The following RSPH10B variants were observed in gnomAD, a reference collection of about 807,000 sequenced individuals.
RSPH10B encodes radial spoke head 10 homolog B.
Under a neutral mutation model 52.5 loss-of-function variants are expected in RSPH10B, and 7 were observed. The observed-to-expected ratio is 0.13, with a 90% CI of 0.08 to 0.25. RSPH10B has a LOEUF of 0.25. RSPH10B is among the 10% of genes least tolerant of loss of function. The pLI is 1.00. For missense variants in RSPH10B, 89 were observed against 542.5 expected (o/e 0.16, Z 8.30); for synonymous variants, 28 against 193.2 (o/e 0.14, Z 7.09).
At chr7:5,927,022 C>CCT (rs1779468227) in intron 18 of RSPH10B, among the ~76,000 whole-genome samples, 1 of 95,926 alleles carries the variant, frequency 1.0e-5, no homozygotes, top group East Asian at 3.8e-4. Flanking sequence ...CCCAAAGTTA[C>CCT]GTGTGTGTGT....
intron 11 of RSPH10B, among the ~76,000 whole-genome samples, chr7:5,944,298 T>A (rs1385936695): frequency 6.6e-6 from 1 of 150,690 alleles, no homozygotes; most frequent in Admixed American, 6.7e-5. Flanking sequence ...CTTGGGAGGC[T>A]GAGGCAGGAG....
At chr7:5,942,912 TTATATA>T (rs59583341) in intron 13 of RSPH10B, among the ~76,000 whole-genome samples, 1 of 93,654 alleles carries the variant, frequency 1.1e-5, no homozygotes, top group Admixed American at 1.5e-4. Context: ...ATATATTTAT[TTATATA>T]TATATATATT....
intron 13 of RSPH10B, among the ~76,000 whole-genome samples, chr7:5,940,857 C>T (rs1195279238): frequency 1.7e-5 from 1 of 60,522 alleles, no homozygotes; most frequent in Non-Finnish European, 3.5e-5. Flanking sequence ...ACCCGGGAGG[C>T]GGAGGTTGCA....
At chr7:5,963,916 A>AG (rs1419145182) in intron 3 of RSPH10B, among the ~76,000 whole-genome samples, 1 of 144,760 alleles carries the variant, frequency 6.9e-6, no homozygotes, top group Non-Finnish European at 1.5e-5. Context: ...AAAAAAAAAA[A>AG]AAAGTAAAAA....
intron 18 of RSPH10B, among the ~76,000 whole-genome samples, chr7:5,927,197 C>T: frequency 7.4e-6 from 1 of 135,510 alleles, no homozygotes; most frequent in East Asian, 2.1e-4. Flanking sequence ...TCAAGCAATC[C>T]TCCTGCCTCA....
intron 7 of RSPH10B, among the ~76,000 whole-genome samples, chr7:5,955,236 G>T (rs1314084089): frequency 9.4e-6 from 1 of 106,572 alleles, no homozygotes; most frequent in Admixed American, 9.8e-5. Flanking sequence ...AACAGATAAT[G>T]TAATTTAATC....
chr7:5,927,070 A>ATATATATGTGTGTGTGTG (rs1554284566), intron 18 of RSPH10B, among the ~76,000 whole-genome samples: 2 of 110,692 alleles, frequency 1.8e-5, no homozygotes, highest in African/African-American at 6.5e-5. Context: ...GTGTGTGTAT[A>ATATATATGTGTGTGTGTG]TGTGTGTGTG....
At chr7:5,933,369 C>A (rs2528356) in intron 16 of RSPH10B, among the ~76,000 whole-genome samples, 1 of 82,164 alleles carries the variant, frequency 1.2e-5, no homozygotes, top group Non-Finnish European at 2.8e-5. Flanking sequence ...ATGAAATGAA[C>A]AACAGAATTA....
At chr7:5,959,104 A>AAC (rs1780841747) in intron 4 of RSPH10B, 26 bp from the exon 7 acceptor site, 1 of 1,180,006 alleles carries the variant, frequency 8.5e-7, no homozygotes, top group Non-Finnish European at 1.2e-6. Context: ...TCATCTTTAA[A>AAC]ACTATCAAGC....
rs570941427 is a variant in RSPH10B at position 5,966,431 on chromosome 7, A to G, written c.254+432T>C. Among the ~76,000 whole-genome samples, 276 of 117,198 alleles carry G rather than the reference A, an allele frequency of 2.4e-3. 51 individuals are homozygous for G. The highest frequency in any genetic ancestry group is 8.4e-3 in the African/African-American group (267 of 31,840). 76.9% of individuals were successfully genotyped at this position (117,198 alleles called of 152,430 possible). On this transcript the variant is annotated intron_variant, in intron 1 of 18. Coordinates refer to ENST00000337579, the Ensembl canonical transcript of RSPH10B. ...AGAAGCCCAAACCTCAGCATCACAC[A>G]ACATGCCCATGTAACAAACCTGCAC...
At chr7:5,940,168 G>T (rs1780116036) in intron 13 of RSPH10B, among the ~76,000 whole-genome samples, 1 of 100,216 alleles carries the variant, frequency 1.0e-5, no homozygotes, top group South Asian at 2.8e-4. Context: ...CCGCACTCCA[G>T]CCTGGGTGAC....
At chr7:5,938,503 G>A (rs1199309841) in intron 14 of RSPH10B, among the ~76,000 whole-genome samples, 6 of 66,424 alleles carry the variant, frequency 9.0e-5, no homozygotes, top group South Asian at 8.3e-4. Context: ...GCGTGAACCC[G>A]GGAGGCGGAG....
chr7:5,961,678 T>G (rs867936998), intron 3 of RSPH10B, among the ~76,000 whole-genome samples: 439 of 13,964 alleles, frequency 0.031, 1 homozygote, highest in African/African-American at 0.13. Context: ...TGTTGTTGTT[T>G]TTTTGTTTTT....
Position 5,931,872 on chromosome 7 carries a change from C to T in RSPH10B, c.2233+910G>A, listed in dbSNP as rs546305860. Among the ~76,000 whole-genome samples, 11 of 151,120 alleles carry T rather than the reference C, an allele frequency of 7.3e-5. No individual in the cohort carries two copies. In the East Asian group the frequency reaches 1.9e-3, roughly 26 times the overall value. The stretch of plus-strand genomic sequence containing the variant: ...GGTGCAGTGATGGGTGCCTGTAATC[C>T]CAGCTACTAGGGAGGCTGAGGCAGG... On this transcript the variant is annotated intron_variant, in intron 17 of 18. Transcript: ENST00000337579.
At chr7:5,968,656 A>T (rs375646128), upstream of RSPH10B, among the ~76,000 whole-genome samples, 1 of 63,808 alleles carries the variant, frequency 1.6e-5, no homozygotes, top group Non-Finnish European at 3.5e-5. Flanking sequence ...ACAGGCGCCC[A>T]CCACCACACC....
At chr7:5,966,508 A>C (rs1390898402) in intron 1 of RSPH10B, among the ~76,000 whole-genome samples, 2 of 83,058 alleles carry the variant, frequency 2.4e-5, no homozygotes, top group Admixed American at 1.5e-4. Flanking sequence ...ACATAAAATT[A>C]CCTTCAGGCC....
rs1227035142 is a variant in RSPH10B, at chr7:5,927,066, GTATA to G, written c.2433-522_2433-519del. 2.3e-4 allele frequency among the ~76,000 whole-genome samples: 25 copies of G among 107,320 alleles called. 1 individual carries two copies. In the South Asian group the frequency reaches 2.5e-3, roughly 11 times the overall value. The allele number at this position is 107,320 out of a possible 152,430, so 70.4% of individuals were successfully genotyped here. A position where few individuals can be genotyped will look rare whatever the true frequency, so the allele number is the denominator to read the frequency against. On this transcript the variant is annotated intron_variant, in intron 18 of 18. Coordinates refer to ENST00000337579, the Ensembl canonical transcript of RSPH10B. ...GTGTGTATTATGTGTGTGTGTGTGTGTATATGTGTGTGTGTGTGTGTGTGTGTGT... is the reference window on the plus strand; with the variant it reads ...GTGTGTATTATGTGTGTGTGTGTGTGTGTGTGTGTGTGTGTGTGTGTGTGT...
intron 17 of RSPH10B, among the ~76,000 whole-genome samples, chr7:5,928,770 C>T (rs1280126356): frequency 6.0e-5 from 9 of 150,480 alleles, no homozygotes; most frequent in East Asian, 2.0e-4. Flanking sequence ...TAGCTACAGG[C>T]GTGCGCCATC....
chr7:5,927,098 A>ATTT (rs1232040567), intron 18 of RSPH10B, among the ~76,000 whole-genome samples: 171 of 73,892 alleles, frequency 2.3e-3, no homozygotes, highest in African/African-American at 8.6e-3. Flanking sequence ...GTGTGTGTGT[A>ATTT]TTTTTTTTTT....
Sources: allele counts gnomAD v4.1 joint callset (sites outside exome capture counted in the v4.1 genomes callset), GRCh38; gene constraint gnomAD v4.1.1; transcripts MANE v1.5; gene names NCBI Gene and HGNC (gene_info 2026-07-23, HGNC 2026-07-21).